RIMBP2: variants seen among roughly 807,000 people sequenced by gnomAD.
RIMBP2 encodes the protein RIMS binding protein 2, also known as RIMS-binding protein 2.
A neutral mutation model predicts 118.6 loss-of-function variants in RIMBP2; 48 were observed. The observed-to-expected ratio is 0.40, with a 90% CI of 0.32 to 0.51. RIMBP2 has a LOEUF of 0.51. Ranked by LOEUF, RIMBP2 falls within the 20% of genes least tolerant of loss-of-function variation. RIMBP2 has a pLI of 0.41. For missense variants in RIMBP2, 1,551 were observed against 1,768.3 expected, an observed-to-expected ratio of 0.88 and a Z score of 2.20; for synonymous variants, 762 against 742.9, an observed-to-expected ratio of 1.03 and a Z score of -0.42.
chr12:130,708,874 G>A (rs995282796), intron 1 of RIMBP2, among the ~76,000 whole-genome samples: 8 of 152,314 alleles, frequency 5.3e-5, no homozygotes, highest in East Asian at 1.9e-4. Flanking sequence ...GTCCTGCAGC[G>A]CTGTAGTCCC....
chr12:130,530,757 T>C (rs923513599), intron 2 of RIMBP2, among the ~76,000 whole-genome samples: 6 of 152,220 alleles, frequency 3.9e-5, no homozygotes, highest in African/African-American at 9.6e-5. Flanking sequence ...ACTGCTGCAA[T>C]ATGGTACTGC....
At chr12:130,428,436 C>T in intron 14 of RIMBP2, 99 bp from the exon 15 acceptor site, 5 of 1,292,454 alleles carry the variant, frequency 3.9e-6, no homozygotes, top group Non-Finnish European at 5.4e-6. Flanking sequence ...TTCGCTGACT[C>T]ACGGGGCTCA....
At position 130,523,756 on chromosome 12, in the gene RIMBP2, C is replaced by T. The variant is rs1265821026; in HGVS notation, c.-216-5839G>A. 6.6e-6 allele frequency among the ~76,000 whole-genome samples: 1 copy of T among 152,250 alleles called. No homozygotes were observed. The highest frequency in any genetic ancestry group is 1.5e-5 in the Non-Finnish European group (1 of 68,042). On this transcript the variant is annotated intron_variant, in intron 2 of 22. Transcript: ENST00000690449. This position sits in a 1 kb window ranked among gnomAD's most constrained non-coding sequence, Gnocchi z 4.4. ...CCTGAGTGAGTGGGTGAGGAGCACC[C>T]TCTGCCCCCAGCCTTGTGGGTGCAG...
chr12:130,643,390 C>T (rs2062709939), intron 1 of RIMBP2, among the ~76,000 whole-genome samples: 2 of 152,162 alleles, frequency 1.3e-5, no homozygotes, highest in African/African-American at 4.8e-5. Flanking sequence ...GAAGGCGGAG[C>T]CCAAACCTCC....
rs12821075 is a variant in RIMBP2, at chr12:130,617,052, C to A, written c.-217+11270G>T. Among the ~76,000 whole-genome samples the A allele has an allele frequency of 2.6e-5, 4 of 151,994 alleles. No individual in the cohort carries two copies. The highest frequency in any genetic ancestry group is 9.7e-5 in the African/African-American group (4 of 41,344). ...TGTCCCACTGATGAGAGGTTCCACC[C>A]CATCTCTCATTTTTCCAGGACTGCC... On this transcript the variant is annotated intron_variant, in intron 2 of 22. Transcript: ENST00000690449. The surrounding 1 kb of genome is among the most constrained non-coding windows in gnomAD (Gnocchi z 4.6).
rs1351852678 is a variant in RIMBP2, at chr12:130,396,373, A to AAAAC, written c.*984_*987dup. On this transcript the variant is annotated 3_prime_UTR_variant, in exon 23 of 23. Transcript: ENST00000690449. ...GTCTGAAAAGTATGTATAAAGAGTAAAAACAATTTACAAGTGGACAAGAAT... is the reference window on the plus strand; with the variant it reads ...GTCTGAAAAGTATGTATAAAGAGTAAAAACAAACAATTTACAAGTGGACAAGAAT... 2.0e-5 allele frequency: 3 copies of AAAAC among 152,708 alleles called. No homozygotes were observed. Among genetic ancestry groups the AAAAC allele is most frequent in the East Asian group, 1.9e-4 (1 of 5,204 alleles). The allele number at this position is 152,708 out of a possible 1,614,324, so 9.5% of individuals were successfully genotyped here. A position where few individuals can be genotyped will look rare whatever the true frequency, so the allele number is the denominator to read the frequency against.
intron 1 of RIMBP2, among the ~76,000 whole-genome samples, chr12:130,642,614 G>A (rs4759739): frequency 0.28 from 42,721 of 152,080 alleles, 6,906 homozygotes; most frequent in East Asian, 0.38. Context: ...CAGACTATCC[G>A]ACTAGGAATA....
rs542609460 is a variant in RIMBP2 at position 130,559,708 on chromosome 12, T to C, written c.-216-41791A>G. On this transcript the variant is annotated intron_variant, in intron 2 of 22. Coordinates refer to ENST00000690449, the MANE Select transcript of RIMBP2 (RefSeq NM_001393629.1). ...ACCTAATTCACATTAGTTCTTTAAC[T>C]CCCTGGAGCTCCGTGAGACCACATG... 7.2e-5 allele frequency among the ~76,000 whole-genome samples: 11 copies of C among 152,268 alleles called. No individual in the cohort carries two copies. The South Asian group carries it at 1.9e-3, about 26-fold the overall frequency.
At chr12:130,643,520 G>T (rs1349278191) in intron 1 of RIMBP2, among the ~76,000 whole-genome samples, 1 of 151,314 alleles carries the variant, frequency 6.6e-6, no homozygotes, top group Non-Finnish European at 1.5e-5. Flanking sequence ...GAAATCACTA[G>T]GTCAGGGGCA....
At chr12:130,669,094 T>A (rs2064083378) in intron 1 of RIMBP2, 1 of 152,162 alleles carries the variant, frequency 6.6e-6, no homozygotes, top group African/African-American at 2.4e-5. Context: ...AACACATCCA[T>A]GTATCTTACA....
At chr12:130,411,116 C>T (rs188974478) in intron 19 of RIMBP2, among the ~76,000 whole-genome samples, 162 of 152,286 alleles carry the variant, frequency 1.1e-3, no homozygotes, top group African/African-American at 3.6e-3. Flanking sequence ...TTGTAAACGG[C>T]ACTACTTTTA....
intron 7 of RIMBP2, among the ~76,000 whole-genome samples, chr12:130,455,093 T>C (rs2079310370): frequency 6.6e-6 from 1 of 152,108 alleles, no homozygotes; most frequent in Admixed American, 6.5e-5. Flanking sequence ...TCTCAGTGGG[T>C]TTCCCAGAGC....
At chr12:130,647,648 T>G (rs1299299858) in intron 1 of RIMBP2, among the ~76,000 whole-genome samples, 1 of 145,346 alleles carries the variant, frequency 6.9e-6, no homozygotes, top group Non-Finnish European at 1.6e-5. Flanking sequence ...TCTTTTCTGC[T>G]GACCCTAAAT....
intron 2 of RIMBP2, among the ~76,000 whole-genome samples, chr12:130,616,526 C>T (rs1359013765): frequency 6.6e-6 from 1 of 152,162 alleles, no homozygotes; most frequent in African/African-American, 2.4e-5. Flanking sequence ...TATTTTTAAA[C>T]CCATTTAAGA....
rs2058487491 is a variant in RIMBP2 at position 130,581,615 on chromosome 12, C to T, written c.-217+46707G>A. ...GCGGCTCAGGCCTCAGACCTGTCGC[C>T]TTCCTTCCTCTGTTCTCTTTGTCCT... is the stretch of plus-strand genomic sequence containing the variant. On this transcript the variant is annotated intron_variant, in intron 2 of 22. Transcript: ENST00000690449. This position sits in a 1 kb window ranked among gnomAD's most constrained non-coding sequence, Gnocchi z 4.4. 6.6e-6 allele frequency among the ~76,000 whole-genome samples: 1 copy of T among 152,226 alleles called. No individual in the cohort carries two copies. The highest frequency in any genetic ancestry group is 2.1e-4 in the South Asian group (1 of 4,834).
At chr12:130,608,321 G>C (rs747291398) in intron 2 of RIMBP2, among the ~76,000 whole-genome samples, 21 of 152,236 alleles carry the variant, frequency 1.4e-4, no homozygotes, top group Admixed American at 3.3e-4. Flanking sequence ...ACCACCACAG[G>C]GGGTCGCAGA....
chr12:130,646,150 CCTCTCCACCTCCCTCACCACCTG>C, intron 1 of RIMBP2, among the ~76,000 whole-genome samples: 1 of 91,814 alleles, frequency 1.1e-5, no homozygotes, highest in Admixed American at 1.1e-4. Flanking sequence ...TCACCACCTG[CCTCTCCACCTCCCTCACCACCTG>C]CCTCTCCACC....
chr12:130,531,098 T>C (rs2053324774), intron 2 of RIMBP2, among the ~76,000 whole-genome samples: 1 of 152,238 alleles, frequency 6.6e-6, no homozygotes, highest in South Asian at 2.1e-4. Context: ...CAAATCTATC[T>C]TCTGCTCATC....
intron 4 of RIMBP2, among the ~76,000 whole-genome samples, chr12:130,502,279 C>A (rs1381379778): frequency 6.6e-6 from 1 of 152,106 alleles, no homozygotes; most frequent in South Asian, 2.1e-4. Context: ...GGACTGTGAC[C>A]GCTTCAAGCC....
Sources: allele counts gnomAD v4.1 joint callset (sites outside exome capture counted in the v4.1 genomes callset), GRCh38; gene constraint gnomAD v4.1.1; non-coding constraint Gnocchi (gnomAD v3.1); transcripts MANE v1.5; gene names NCBI Gene and HGNC (gene_info 2026-07-23, HGNC 2026-07-21).